Variants in VMP1 observed in about 807,000 individuals in gnomAD.
VMP1 encodes ectopic P-granules autophagy protein 3 homolog.
In VMP1, 11 loss-of-function variants were observed where a neutral mutation model predicts 56.0. The observed-to-expected ratio is 0.20, with a 90% CI of 0.12 to 0.32. The LOEUF (loss-of-function observed/expected upper bound fraction) is 0.32, where lower values mean the gene tolerates loss of function less well. Ranked by LOEUF, VMP1 falls within the 10% of genes least tolerant of loss-of-function variation. The pLI is 1.00. For synonymous variants in VMP1, 149 were observed against 165.0 expected, an observed-to-expected ratio of 0.90 and a Z score of 0.74; for missense variants, 296 against 490.3, an observed-to-expected ratio of 0.60 and a Z score of 3.74.
intron 7 of VMP1, among the ~76,000 whole-genome samples, chr17:59,803,734 A>T (rs962870717): frequency 5.3e-5 from 8 of 152,198 alleles, no homozygotes; most frequent in Admixed American, 2.0e-4. Flanking sequence ...TGTTCCCCAC[A>T]ATACTCCAAA....
At chr17:59,824,745 T>G (rs2038582448) in intron 10 of VMP1, among the ~76,000 whole-genome samples, 1 of 149,822 alleles carries the variant, frequency 6.7e-6, no homozygotes, top group Non-Finnish European at 1.5e-5. Flanking sequence ...TGGTGATGGG[T>G]GCCTGTAGTC....
intron 6 of VMP1, among the ~76,000 whole-genome samples, chr17:59,773,328 A>G (rs2036505872): frequency 6.6e-6 from 1 of 152,058 alleles, no homozygotes; most frequent in Admixed American, 6.6e-5. Flanking sequence ...TGATAAAAAT[A>G]ACAGAGTCTA....
intron 10 of VMP1, among the ~76,000 whole-genome samples, chr17:59,828,536 G>A (rs1808651999): frequency 6.6e-6 from 1 of 152,174 alleles, no homozygotes; most frequent in Admixed American, 6.5e-5. Flanking sequence ...ATTTGAAAGG[G>A]CACAGATGTG....
At chr17:59,743,559 G>GCTCT (rs367998812) in intron 5 of VMP1, among the ~76,000 whole-genome samples, 29 of 145,118 alleles carry the variant, frequency 2.0e-4, no homozygotes, top group South Asian at 8.8e-4. Context: ...TTAAAAAACT[G>GCTCT]CTCTCTCTCT....
intron 10 of VMP1, among the ~76,000 whole-genome samples, chr17:59,836,662 C>T (rs2038990908): frequency 2.0e-5 from 3 of 150,838 alleles, no homozygotes; most frequent in Admixed American, 2.0e-4. Flanking sequence ...TGCGCATCTG[C>T]CTATGTTTTG....
intron 7 of VMP1, among the ~76,000 whole-genome samples, chr17:59,800,789 T>C (rs1234024642): frequency 6.6e-6 from 1 of 152,040 alleles, no homozygotes; most frequent in African/African-American, 2.4e-5. Context: ...TATAAAACTA[T>C]AGCACATACA....
chr17:59,749,563 T>C (rs2035563095), intron 5 of VMP1, among the ~76,000 whole-genome samples: 1 of 151,124 alleles, frequency 6.6e-6, no homozygotes, highest in Non-Finnish European at 1.5e-5. Context: ...CAAACTGGAG[T>C]GCAGTGGTGT....
chr17:59,764,114 G>A (rs1434462918), intron 5 of VMP1, among the ~76,000 whole-genome samples: 1 of 152,106 alleles, frequency 6.6e-6, no homozygotes, highest in African/African-American at 2.4e-5. Context: ...GGTTACATGA[G>A]GTGGTAGATC....
intron 7 of VMP1, among the ~76,000 whole-genome samples, chr17:59,789,353 G>A (rs2037134240): frequency 1.3e-5 from 2 of 151,226 alleles, no homozygotes; most frequent in East Asian, 3.9e-4. Flanking sequence ...TGGCCAATAT[G>A]GTGAAACCCC....
Position 59,707,679 on chromosome 17 carries a change from G to A in VMP1, c.-96G>A, listed in dbSNP as rs565514492. ...GGGTTCCGGTTGTCTGGAGCCCAGC[G>A]GCGGGTGTGAGAGTCCGTAAGGAGC... On this transcript the variant is annotated 5_prime_UTR_variant, in exon 1 of 12. Coordinates refer to ENST00000262291, the MANE Select transcript of VMP1 (RefSeq NM_030938.5). 1 of 152,502 alleles carries A rather than the reference G, an allele frequency of 6.6e-6. No individual in the cohort carries two copies. Among genetic ancestry groups the A allele is most frequent in the East Asian group, 1.9e-4 (1 of 5,180 alleles). The allele number at this position is 152,502 out of a possible 1,614,324, so 9.4% of individuals were successfully genotyped here. A position where few individuals can be genotyped will look rare whatever the true frequency, so the allele number is the denominator to read the frequency against.
At chr17:59,812,444 C>A (rs1257753963) in intron 9 of VMP1, among the ~76,000 whole-genome samples, 2 of 151,890 alleles carry the variant, frequency 1.3e-5, no homozygotes, top group Non-Finnish European at 2.9e-5. Flanking sequence ...TGTGTGTGTG[C>A]ACACATATAT....
intron 3 of VMP1, among the ~76,000 whole-genome samples, chr17:59,736,138 C>T (rs1287261948): frequency 1.3e-5 from 2 of 152,076 alleles, no homozygotes; most frequent in African/African-American, 4.8e-5. Context: ...TTAGGCCAGG[C>T]GTGGTGGCTC....
chr17:59,748,182 C>T (rs1432119967), intron 5 of VMP1, among the ~76,000 whole-genome samples: 1 of 129,498 alleles, frequency 7.7e-6, no homozygotes, highest in Non-Finnish European at 1.5e-5. Flanking sequence ...GGCAATAGAG[C>T]GAGACTCCGT....
chr17:59,711,062 G>A (rs1037998544), intron 1 of VMP1, among the ~76,000 whole-genome samples: 3 of 145,548 alleles, frequency 2.1e-5, no homozygotes, highest in Non-Finnish European at 4.4e-5. Flanking sequence ...AACAGAGCGA[G>A]ACTCCATCTC....
intron 1 of VMP1, among the ~76,000 whole-genome samples, chr17:59,722,601 A>T (rs1327889661): frequency 2.0e-5 from 3 of 152,008 alleles, no homozygotes; most frequent in Non-Finnish European, 2.9e-5. Flanking sequence ...AACACTTTGG[A>T]AGGCCAAGGC....
intron 5 of VMP1, among the ~76,000 whole-genome samples, chr17:59,751,469 C>G (rs568966540): frequency 7.2e-5 from 11 of 151,866 alleles, no homozygotes; most frequent in Admixed American, 2.6e-4. Context: ...AGACCGGGCT[C>G]GGTGGCTCAT....
At chr17:59,773,999 A>AAAAG in intron 7 of VMP1, 114 bp downstream of exon 7, 1 of 1,086,394 alleles carries the variant, frequency 9.2e-7, no homozygotes, top group Non-Finnish European at 1.2e-6. Flanking sequence ...AAAAAAAAAA[A>AAAAG]AAAGAAAGAA....
At chr17:59,818,690 A>G (rs2038334106) in intron 10 of VMP1, among the ~76,000 whole-genome samples, 1 of 152,108 alleles carries the variant, frequency 6.6e-6, no homozygotes, top group South Asian at 2.1e-4. Context: ...GTGAGCTGAG[A>G]GCGCGTCATT....
intron 5 of VMP1, among the ~76,000 whole-genome samples, 156 bp downstream of exon 5, chr17:59,739,103 A>G (rs949245241): frequency 2.6e-5 from 4 of 152,132 alleles, no homozygotes; most frequent in African/African-American, 9.7e-5. Context: ...TTTGACTTAG[A>G]GTTCTGTTTT....
Sources: allele counts gnomAD v4.1 joint callset (sites outside exome capture counted in the v4.1 genomes callset), GRCh38; gene constraint gnomAD v4.1.1; transcripts MANE v1.5; gene names NCBI Gene and HGNC (gene_info 2026-07-23, HGNC 2026-07-21).